The following EIF3A variants were observed in gnomAD, a reference collection of about 807,000 sequenced individuals.
EIF3A encodes the protein eukaryotic translation initiation factor 3 subunit A.
In EIF3A, 21 loss-of-function variants were observed where a neutral mutation model predicts 186.6. That is an observed-to-expected ratio of 0.11 (90% CI 0.08 to 0.16). EIF3A has a LOEUF of 0.16. Among genes scored for constraint, EIF3A ranks in the 10% least tolerant of loss-of-function variants. EIF3A has a pLI of 1.00. For synonymous variants in EIF3A, 563 were observed against 584.3 expected, an observed-to-expected ratio of 0.96 and a Z score of 0.52; for missense variants, 1,306 against 1,796.3, an observed-to-expected ratio of 0.73 and a Z score of 4.93.
chr10:119,037,350 G>A lies in EIF3A; in HGVS notation c.3729-41C>T, dbSNP rs745495920. 2.0e-5 allele frequency: 31 copies of A among 1,550,174 alleles called. No homozygotes were observed. In the East Asian group the frequency reaches 6.1e-4, roughly 30 times the overall value. On this transcript the variant is annotated intron_variant, in intron 20 of 21. Transcript: ENST00000369144. ...ATGACAGGTCAGGTTCTTACTGTTA[G>A]ACCAAATGGATAATTATAAGTACAT...
intron 6 of EIF3A, among the ~76,000 whole-genome samples, chr10:119,068,419 A>G (rs1844014021): frequency 6.6e-6 from 1 of 152,198 alleles, no homozygotes; most frequent in Admixed American, 6.5e-5. Flanking sequence ...TCACACCTGT[A>G]ATCCCAGCAC....
At chr10:119,073,165 G>T in intron 3 of EIF3A, 112 bp from the exon 4 acceptor site, 1 of 974,846 alleles carries the variant, frequency 1.0e-6, no homozygotes, top group African/African-American at 1.6e-5. Flanking sequence ...CCCACAATAT[G>T]TACACACTGC....
At chr10:119,037,059 A>T in intron 21 of EIF3A, 60 bp downstream of exon 21, 1 of 664,234 alleles carries the variant, frequency 1.5e-6, no homozygotes, top group Non-Finnish European at 2.3e-6. Flanking sequence ...AATAACCCAA[A>T]TCCCCCCCCC....
intron 12 of EIF3A, 62 bp downstream of exon 12, chr10:119,057,894 G>T: frequency 7.7e-7 from 1 of 1,294,432 alleles, no homozygotes. Context: ...AAAGGACTGT[G>T]GTTCTAAGAG....
At chr10:119,072,107 T>C (rs1459561682) in intron 4 of EIF3A, among the ~76,000 whole-genome samples, 1 of 150,176 alleles carries the variant, frequency 6.7e-6, no homozygotes, top group African/African-American at 2.4e-5. Context: ...CCCAGCACTT[T>C]GGGAGGCTGA....
intron 3 of EIF3A, 96 bp from the exon 4 acceptor site, chr10:119,073,149 ATTC>A: frequency 8.2e-7 from 1 of 1,220,052 alleles, no homozygotes. Context: ...AACAGTGCAA[ATTC>A]TTCCCACAAT....
chr10:119,077,432 CAG>C (rs571002617), intron 1 of EIF3A, among the ~76,000 whole-genome samples: 3 of 151,940 alleles, frequency 2.0e-5, no homozygotes, highest in Admixed American at 6.6e-5. Flanking sequence ...GCCTGGCCAA[CAG>C]AGAGAGATTC....
chr10:119,060,669 G>T, intron 9 of EIF3A, 77 bp downstream of exon 9: 1 of 1,102,510 alleles, frequency 9.1e-7, no homozygotes. Context: ...TTCCTAGGCA[G>T]TTCTAGATTT....
intron 14 of EIF3A, among the ~76,000 whole-genome samples, chr10:119,052,399 T>TGTGTGTGTGTGTGTGTG (rs1554870363): frequency 1.8e-4 from 27 of 149,094 alleles, no homozygotes; most frequent in African/African-American, 3.0e-4. Context: ...TGTGTGTGTG[T>TGTGTGTGTGTGTGTGTG]TTTAAGACAG....
At chr10:119,054,567 A>G (rs1848399039) in intron 14 of EIF3A, among the ~76,000 whole-genome samples, 1 of 151,498 alleles carries the variant, frequency 6.6e-6, no homozygotes, top group Admixed American at 6.6e-5. Flanking sequence ...AAAAAAAAAA[A>G]AAAGTACAAA....
rs1848122775 is a variant in EIF3A, at chr10:119,036,007, A to G, written c.*32T>C. 2.0e-6 allele frequency: 3 copies of G among 1,509,222 alleles called. No homozygotes were observed. In the East Asian group the frequency reaches 6.8e-5, roughly 34 times the overall value. The allele number at this position is 1,509,222 out of a possible 1,614,324, so 93.5% of individuals were successfully genotyped here. A position where few individuals can be genotyped will look rare whatever the true frequency, so the allele number is the denominator to read the frequency against. ...TCCTTGAATGTGATCAAACCTATTTAAGACACCAGTTTAAATCCATTATCT... is the reference window on the plus strand; with the variant it reads ...TCCTTGAATGTGATCAAACCTATTTGAGACACCAGTTTAAATCCATTATCT... On this transcript the variant is annotated 3_prime_UTR_variant, in exon 22 of 22. Transcript: ENST00000369144.
rs764426395 is a variant in EIF3A, at chr10:119,036,088, C to T, written c.4100G>A (p.Arg1367His). 1.2e-5 allele frequency: 20 copies of T among 1,613,884 alleles called. No individual in the cohort carries two copies. The highest frequency in any genetic ancestry group is 1.2e-4 in the Admixed American group (7 of 59,974). Residue 1367 changes from arginine (R) to histidine (H), a missense_variant, in exon 22 of 22, where the codon CGT becomes CAT. By Grantham distance (29) the Arg-to-His change is conservative (BLOSUM62 0). Around this residue, in one of 8 missense-constraint regions of EIF3A, gnomAD observed 331 missense variants for 365.8 expected, o/e 0.90. Coordinates refer to ENST00000369144, the MANE Select transcript of EIF3A (RefSeq NM_003750.4). ...RAEKDRESLR[R>H]TKNETDEDGW... ...ATCTTCATCAGTCTCATTTTTAGTACGACGGAGAGATTCCCTATCTTTCTC... is the reference window on the plus strand; with the variant it reads ...ATCTTCATCAGTCTCATTTTTAGTATGACGGAGAGATTCCCTATCTTTCTC...
At position 119,050,822 on chromosome 10, in the gene EIF3A, T is replaced by C; in HGVS notation, c.2320-148A>G. On this transcript the variant is annotated intron_variant, in intron 15 of 21. Coordinates refer to ENST00000369144, the MANE Select transcript of EIF3A (RefSeq NM_003750.4). ...CAGCACAAAAACTCTAACTTCCAAA[T>C]GACCATTAACTTGTCAGCAGGCCAA... 4 of 863,154 alleles carry C rather than the reference T, an allele frequency of 4.6e-6. No individual in the cohort carries two copies. The Admixed American group carries it at 1.1e-4, about 24-fold the overall frequency. 53.5% of individuals were successfully genotyped at this position (863,154 alleles called of 1,614,324 possible).
chr10:119,040,739 G>C (rs1440848647), intron 19 of EIF3A, among the ~76,000 whole-genome samples: 1 of 152,148 alleles, frequency 6.6e-6, no homozygotes. Context: ...GGGCGTGGTG[G>C]CTCATGCCTG....
intron 6 of EIF3A, among the ~76,000 whole-genome samples, chr10:119,068,275 G>C (rs964954497): frequency 2.0e-5 from 3 of 152,134 alleles, no homozygotes; most frequent in Admixed American, 2.0e-4. Flanking sequence ...TAGGTTGTTG[G>C]GTTATAGACC....
chr10:119,054,098 T>C (rs1848393285), intron 14 of EIF3A, among the ~76,000 whole-genome samples: 1 of 152,032 alleles, frequency 6.6e-6, no homozygotes. Context: ...TTTTTGTAAT[T>C]TTAGTAGAGA....
intron 3 of EIF3A, 136 bp from the exon 4 acceptor site, chr10:119,073,189 T>A: frequency 1.2e-6 from 1 of 816,652 alleles, no homozygotes. Context: ...GGTGTCACTA[T>A]CTACTCCCTG....
At chr10:119,060,118 G>C (rs1434268413) in intron 9 of EIF3A, 1 of 506,324 alleles carries the variant, frequency 2.0e-6, no homozygotes. Flanking sequence ...ATAAAAGAAA[G>C]CAGGTCAATG....
At chr10:119,038,472 AT>A in intron 19 of EIF3A, 33 bp from the exon 20 acceptor site, 1 of 1,547,852 alleles carries the variant, frequency 6.5e-7, no homozygotes, top group Non-Finnish European at 8.8e-7. Flanking sequence ...CATTTTTAAA[AT>A]ATTTTTAAAA....
Sources: allele counts gnomAD v4.1 joint callset (sites outside exome capture counted in the v4.1 genomes callset), GRCh38; gene constraint gnomAD v4.1.1; regional missense constraint gnomAD v4.1.1; transcripts MANE v1.5; gene names NCBI Gene and HGNC (gene_info 2026-07-23, HGNC 2026-07-21).